The following PAH variants were observed in gnomAD, a reference collection of about 807,000 sequenced individuals.
The protein encoded by PAH is phenylalanine-4-hydroxylase.
Under a neutral mutation model 62.0 loss-of-function variants are expected in PAH, and 64 were observed. That is an observed-to-expected ratio of 1.03 (90% CI 0.84 to 1.27). The LOEUF (loss-of-function observed/expected upper bound fraction) is 1.27, where lower values mean the gene tolerates loss of function less well. Ranked by LOEUF, PAH falls within the 50% of genes most tolerant of loss-of-function variation. The pLI is 0.00. For synonymous variants in PAH, 195 were observed against 196.2 expected, an observed-to-expected ratio of 0.99 and a Z score of 0.05; for missense variants, 579 against 542.8, an observed-to-expected ratio of 1.07 and a Z score of -0.66.
intron 6 of PAH, 53 bp downstream of exon 6, chr12:102,855,083 C>T: frequency 6.9e-7 from 1 of 1,449,524 alleles, no homozygotes; most frequent in Non-Finnish European, 9.7e-7. Flanking sequence ...CTCTCCTCTG[C>T]CTCAATCCTC....
intron 6 of PAH, chr12:102,853,467 T>A: frequency 4.9e-6 from 1 of 203,368 alleles, no homozygotes; most frequent in East Asian, 1.2e-4. Context: ...GGGAAGAGAA[T>A]ATGAATATTG....
chr12:102,863,760 C>T (rs918437374), intron 5 of PAH, among the ~76,000 whole-genome samples: 1 of 152,108 alleles, frequency 6.6e-6, no homozygotes. Context: ...GCCTAAACTA[C>T]CCGCCTTAAA....
At chr12:102,914,632 C>T (rs1224297130) in intron 1 of PAH, 1 of 152,212 alleles carries the variant, frequency 6.6e-6, no homozygotes, top group Middle Eastern at 3.2e-3. Context: ...AATACTGAGC[C>T]TTCTTCTTTC....
chr12:102,870,039 G>C (rs1409364887), intron 4 of PAH, among the ~76,000 whole-genome samples: 1 of 152,190 alleles, frequency 6.6e-6, no homozygotes, highest in African/African-American at 2.4e-5. Context: ...GGAGTGGTGA[G>C]GGGGAGGGGA....
intron 2 of PAH, among the ~76,000 whole-genome samples, chr12:102,896,758 T>C (rs1877522221): frequency 6.6e-6 from 1 of 152,186 alleles, no homozygotes; most frequent in African/African-American, 2.4e-5. Context: ...TCTATGTGGC[T>C]AAATAAAGAG....
intron 5 of PAH, among the ~76,000 whole-genome samples, chr12:102,864,097 G>C (rs1489316384): frequency 6.6e-6 from 1 of 152,074 alleles, no homozygotes; most frequent in Non-Finnish European, 1.5e-5. Flanking sequence ...ATTTCTAGTA[G>C]AGGCAGACAG....
chr12:102,889,164 C>A (rs114891093), intron 3 of PAH, among the ~76,000 whole-genome samples: 2 of 152,130 alleles, frequency 1.3e-5, no homozygotes, highest in South Asian at 4.1e-4. Context: ...TATGCATGCA[C>A]ACCCATGTAT....
intron 1 of PAH, among the ~76,000 whole-genome samples, chr12:102,939,479 G>T (rs944708642): frequency 1.3e-5 from 2 of 152,154 alleles, no homozygotes; most frequent in African/African-American, 4.8e-5. Context: ...CCAGGGCAGA[G>T]CTCCCAGAAG....
exon 1 of PAH, chr12:102,958,197 C>A (rs889336481): frequency 3.6e-6 from 5 of 1,400,080 alleles, no homozygotes; most frequent in Non-Finnish European, 3.7e-6. Flanking sequence ...CCCCGCACCT[C>A]GCGTCCCGGA....
rs1874453226 is a variant in PAH at position 102,838,413 on chromosome 12, C to T, written c.*762G>A. 1 of 152,132 alleles carries T rather than the reference C, an allele frequency of 6.6e-6. No homozygotes were observed. Among genetic ancestry groups the T allele is most frequent in the African/African-American group, 2.4e-5 (1 of 41,424 alleles). The allele number at this position is 152,132 out of a possible 1,614,324, so 9.4% of individuals were successfully genotyped here. On this transcript the variant is annotated 3_prime_UTR_variant, in exon 13 of 13. Transcript: ENST00000553106. Reference sequence around the variant, plus strand: ...TCAATAATGTATTTACTTATTTATTCAGTGAACATTTCCTGAATATCTACC... The same window carrying T: ...TCAATAATGTATTTACTTATTTATTTAGTGAACATTTCCTGAATATCTACC...
intron 8 of PAH, among the ~76,000 whole-genome samples, chr12:102,847,657 T>C (rs908145023): frequency 9.2e-5 from 14 of 152,140 alleles, no homozygotes; most frequent in Non-Finnish European, 2.9e-5. Context: ...GTTAGAAGAA[T>C]ATAAGTTCTT....
At chr12:102,955,226 C>T (rs1212555573), upstream of PAH, among the ~76,000 whole-genome samples, 1 of 152,218 alleles carries the variant, frequency 6.6e-6, no homozygotes, top group African/African-American at 2.4e-5. Flanking sequence ...GTTCTGTCCT[C>T]TACTTCCCTG....
At chr12:102,890,115 G>A (rs1429143828) in intron 3 of PAH, among the ~76,000 whole-genome samples, 1 of 152,074 alleles carries the variant, frequency 6.6e-6, no homozygotes, top group African/African-American at 2.4e-5. Flanking sequence ...GGGAACTTTC[G>A]CAATTAAGAA....
At chr12:102,939,227 A>T (rs1359893122) in intron 1 of PAH, among the ~76,000 whole-genome samples, 1 of 152,126 alleles carries the variant, frequency 6.6e-6, no homozygotes, top group East Asian at 1.9e-4. Context: ...CAAGCAACTG[A>T]CAGCCTCTCT....
chr12:102,875,441 C>CTGGGCAGACCCCTTGGATGGGTCAGAGG lies in PAH; in HGVS notation c.441+1993_441+2020dup, dbSNP rs1876522691. ...TTGGTAAGAGGAGAATAACGCCCTG[C>CTGGGCAGACCCCTTGGATGGGTCAGAGG]TGGGCAGACCCCTTGGATGGGTCAG... On this transcript the variant is annotated intron_variant, in intron 4 of 12. Coordinates refer to ENST00000553106, the MANE Select transcript of PAH (RefSeq NM_000277.3). Among the ~76,000 whole-genome samples, 9 of 152,310 alleles carry CTGGGCAGACCCCTTGGATGGGTCAGAGG rather than the reference C, an allele frequency of 5.9e-5. No homozygotes were observed. The South Asian group carries it at 1.5e-3, about 25-fold the overall frequency.
intron 1 of PAH, chr12:102,914,559 C>G (rs1251560984): frequency 1.3e-5 from 2 of 152,234 alleles, no homozygotes; most frequent in African/African-American, 4.8e-5. Flanking sequence ...TCCTCTTCCC[C>G]CTTTTAAACC....
chr12:102,954,661 G>C (rs1879862105), upstream of PAH, among the ~76,000 whole-genome samples: 1 of 152,206 alleles, frequency 6.6e-6, no homozygotes, highest in African/African-American at 2.4e-5. Context: ...CATGTGGCCA[G>C]TTCTCTCAGG....
At chr12:102,923,070 A>C (rs1182411630) in intron 1 of PAH, among the ~76,000 whole-genome samples, 1 of 152,206 alleles carries the variant, frequency 6.6e-6, no homozygotes, top group Non-Finnish European at 1.5e-5. Context: ...CCACTGGGCA[A>C]ATGTCAACAA....
upstream of PAH, among the ~76,000 whole-genome samples, chr12:102,951,833 G>A (rs1346899164): frequency 7.1e-6 from 1 of 141,350 alleles, no homozygotes; most frequent in African/African-American, 2.7e-5. Context: ...ATGTTCCCCT[G>A]CGTTGTGCCA....
Sources: allele counts gnomAD v4.1 joint callset (sites outside exome capture counted in the v4.1 genomes callset), GRCh38; gene constraint gnomAD v4.1.1; transcripts MANE v1.5; gene names NCBI Gene and HGNC (gene_info 2026-07-23, HGNC 2026-07-21).